The following VPS36 variants were observed in gnomAD, a reference collection of about 807,000 sequenced individuals.
The protein encoded by VPS36 is vacuolar protein-sorting-associated protein 36.
Under a neutral mutation model 63.5 loss-of-function variants are expected in VPS36, and 31 were observed. The ratio of observed to expected loss-of-function variants is 0.49; its 90% confidence interval spans 0.37 to 0.66. The LOEUF is 0.66. Among genes scored for constraint, VPS36 ranks in the 30% least tolerant of loss-of-function variants. The probability of loss-of-function intolerance (pLI) is 0.00; values close to 1 mark genes in which losing one functional copy is unlikely to be tolerated. For synonymous variants in VPS36, 138 were observed against 157.2 expected, an observed-to-expected ratio of 0.88 and a Z score of 0.91; for missense variants, 338 against 463.7, an observed-to-expected ratio of 0.73 and a Z score of 2.49.
chr13:52,427,641 T>C (rs1958116554), intron 6 of VPS36, among the ~76,000 whole-genome samples: 1 of 151,844 alleles, frequency 6.6e-6, no homozygotes, highest in Non-Finnish European at 1.5e-5. Context: ...TTCTTGCAAA[T>C]ATCAATTTGT....
chr13:52,423,738 A>T, intron 9 of VPS36, 99 bp from the exon 10 acceptor site: 1 of 1,124,282 alleles, frequency 8.9e-7, no homozygotes, highest in Non-Finnish European at 1.3e-6. Flanking sequence ...CAGAAATCAG[A>T]AAAATTTTTA....
rs1387727498 is a variant in VPS36 at position 52,425,958 on chromosome 13, C to T, written c.748G>A (p.Ala250Thr). The change falls in exon 9 of 14, where the codon GCT (alanine) becomes ACT (threonine). Residue 250 changes from alanine (A) to threonine (T), a missense_variant. Coordinates refer to ENST00000378060, the MANE Select transcript of VPS36 (RefSeq NM_016075.4). ...QYHMQLAKQL[A>T]GILQVPLEER... Reference sequence around the variant, plus strand: ...TCTAAAGGCACCTGCAATATTCCAGCCAGTTGTTTGGCCAGCTGCATGTGG... The same window carrying T: ...TCTAAAGGCACCTGCAATATTCCAGTCAGTTGTTTGGCCAGCTGCATGTGG... The T allele has an allele frequency of 2.5e-6, 4 of 1,613,598 alleles. No homozygotes were observed. Among genetic ancestry groups the T allele is most frequent in the Non-Finnish European group, 2.5e-6 (3 of 1,179,822 alleles).
intron 10 of VPS36, among the ~76,000 whole-genome samples, chr13:52,418,716 C>T (rs1241582109): frequency 6.6e-6 from 1 of 151,880 alleles, no homozygotes; most frequent in Non-Finnish European, 1.5e-5. Context: ...TTTAACATTT[C>T]CTTATTTTGT....
At chr13:52,425,902 TA>T (rs761088319) in intron 9 of VPS36, 29 bp downstream of exon 9, 51 of 1,577,194 alleles carry the variant, frequency 3.2e-5, no homozygotes, top group South Asian at 8.3e-5. Flanking sequence ...TAACACAGTT[TA>T]AAAAAAAACA....
chr13:52,417,140 G>A lies in VPS36; in HGVS notation c.907C>T (p.Leu303Phe), dbSNP rs1240260591. Residue 303 changes from leucine (L) to phenylalanine (F), a missense_variant and splice_region_variant, in exon 12 of 14, where the codon CTC (leucine) becomes TTC (phenylalanine). Leu to Phe is a conservative substitution (Grantham distance 22, BLOSUM62 0). Transcript: ENST00000378060. ...MLEALKLPLR[L>F]RVFDSGVMVI... ...ATGACGCCACTGTCAAACACACGGA[G>A]CCTGAAAACCACAGGTGCGAGAACA... 1 of 1,613,758 alleles carries A rather than the reference G, an allele frequency of 6.2e-7. No homozygotes were observed. The highest frequency in any genetic ancestry group is 1.3e-5 in the African/African-American group (1 of 74,894).
intron 8 of VPS36, among the ~76,000 whole-genome samples, 171 bp from the exon 9 acceptor site, chr13:52,426,237 A>G (rs1459092618): frequency 6.6e-6 from 1 of 152,202 alleles, no homozygotes; most frequent in Admixed American, 6.5e-5. Flanking sequence ...CCCTGCATAC[A>G]TCTAATTATT....
At chr13:52,442,715 C>T (rs777931675) in intron 1 of VPS36, among the ~76,000 whole-genome samples, 20 of 152,016 alleles carry the variant, frequency 1.3e-4, no homozygotes, top group South Asian at 2.1e-4. Context: ...AAAGAAATGA[C>T]GAGGTAGAAC....
Position 52,415,673 on chromosome 13 carries a change from C to T in VPS36, c.*157G>A. 1 of 749,468 alleles carries T rather than the reference C, an allele frequency of 1.3e-6. No individual in the cohort carries two copies. The highest frequency in any genetic ancestry group is 1.8e-5 in the African/African-American group (1 of 56,856). 46.4% of individuals were successfully genotyped at this position (749,468 alleles called of 1,614,324 possible). On this transcript the variant is annotated 3_prime_UTR_variant, in exon 14 of 14. Transcript: ENST00000378060. ...TCCTATGCGTATACTAAATAAATTTCCTGGACCATATTTAGTGAGAAATTA... is the reference window on the plus strand; with the variant it reads ...TCCTATGCGTATACTAAATAAATTTTCTGGACCATATTTAGTGAGAAATTA...
intron 1 of VPS36, chr13:52,450,096 GA>G: frequency 1.0e-6 from 1 of 989,596 alleles, no homozygotes. Flanking sequence ...TGCCGACGCC[GA>G]GGTTGGTGTC....
intron 5 of VPS36, 79 bp downstream of exon 5, chr13:52,434,714 C>T: frequency 7.4e-7 from 1 of 1,354,916 alleles, no homozygotes; most frequent in Admixed American, 2.1e-5. Flanking sequence ...GCAAGTTCTA[C>T]AATCACAGAG....
chr13:52,445,050 T>TA (rs1385782747), intron 1 of VPS36, among the ~76,000 whole-genome samples: 1 of 152,204 alleles, frequency 6.6e-6, no homozygotes, highest in Non-Finnish European at 1.5e-5. Flanking sequence ...ATATGGTTAG[T>TA]AAACTTTAAT....
intron 5 of VPS36, 87 bp downstream of exon 5, chr13:52,434,706 A>C: frequency 7.7e-7 from 1 of 1,292,804 alleles, no homozygotes. Context: ...TGTTTTGGGC[A>C]AGTTCTACAA....
intron 1 of VPS36, chr13:52,450,191 G>C: frequency 9.7e-7 from 1 of 1,031,810 alleles, no homozygotes; most frequent in Non-Finnish European, 1.2e-6. Flanking sequence ...TCCTTCTCCC[G>C]GGCACTGCAG....
intron 12 of VPS36, among the ~76,000 whole-genome samples, 173 bp downstream of exon 12, chr13:52,416,884 A>G (rs192197235): frequency 1.3e-5 from 2 of 152,362 alleles, no homozygotes; most frequent in East Asian, 3.9e-4. Context: ...CTCTTAATGT[A>G]TGACTTTGGT....
chr13:52,420,435 C>T lies in VPS36; in HGVS notation c.841-2379G>A, dbSNP rs201084267. ...GCAATCTCCACCTCCCTACTTTAAG[C>T]GATTCTCCTGCCTCAGCCTCCCAAG... On this transcript the variant is annotated intron_variant, in intron 10 of 13. Transcript: ENST00000378060. 6.6e-4 allele frequency among the ~76,000 whole-genome samples: 100 copies of T among 151,862 alleles called. 2 individuals are homozygous for T. In the East Asian group the frequency reaches 0.011, roughly 17 times the overall value.
intron 3 of VPS36, among the ~76,000 whole-genome samples, chr13:52,437,242 A>C (rs911682846): frequency 1.3e-5 from 2 of 152,166 alleles, no homozygotes; most frequent in Non-Finnish European, 2.9e-5. Context: ...ATCACTGTAA[A>C]ATTGAAACAC....
chr13:52,450,032 G>A (rs892491023), intron 1 of VPS36: 6 of 987,110 alleles, frequency 6.1e-6, no homozygotes, highest in South Asian at 4.7e-5. Flanking sequence ...GCTGGGGCAC[G>A]GACTGTACGG....
Position 52,412,830 on chromosome 13 carries a change from G to A in VPS36, c.*3000C>T, listed in dbSNP as rs1425963066. The A allele has an allele frequency of 6.6e-6, 1 of 152,216 alleles. No individual in the cohort carries two copies. The highest frequency in any genetic ancestry group is 1.5e-5 in the Non-Finnish European group (1 of 68,012). 9.4% of individuals were successfully genotyped at this position (152,216 alleles called of 1,614,324 possible). On this transcript the variant is annotated 3_prime_UTR_variant, in exon 14 of 14. Coordinates refer to ENST00000378060, the MANE Select transcript of VPS36 (RefSeq NM_016075.4). ...CGCAGCTTATACTCTAGATCGTAAG[G>A]GATGGGATTAGCAATAAATTTACAT...
At chr13:52,440,992 G>C (rs1462455596) in intron 2 of VPS36, among the ~76,000 whole-genome samples, 1 of 152,122 alleles carries the variant, frequency 6.6e-6, no homozygotes, top group Non-Finnish European at 1.5e-5. Context: ...GTTCACAATA[G>C]GGTTCCTGCT....
Sources: gnomAD v4.1 joint callset for allele counts (sites outside exome capture counted in the v4.1 genomes callset) on GRCh38, gnomAD v4.1.1 for gene constraint, MANE v1.5 for transcripts, NCBI Gene and HGNC (gene_info 2026-07-23, HGNC 2026-07-21) for gene names.